Variants in HNF4G observed in about 807,000 individuals in gnomAD.
HNF4G encodes hepatocyte nuclear factor 4 gamma.
Under a neutral mutation model 50.9 loss-of-function variants are expected in HNF4G, and 21 were observed. That is an observed-to-expected ratio of 0.41 (90% CI 0.29 to 0.59). The LOEUF (loss-of-function observed/expected upper bound fraction) is 0.59. Among genes scored for constraint, HNF4G ranks in the 20% least tolerant of loss-of-function variants. The probability of loss-of-function intolerance (pLI) is 0.26; values close to 1 mark genes in which losing one functional copy is unlikely to be tolerated. For missense variants in HNF4G, 527 were observed against 559.4 expected, an observed-to-expected ratio of 0.94 and a Z score of 0.58; for synonymous variants, 198 against 185.6, an observed-to-expected ratio of 1.07 and a Z score of -0.54.
intron 1 of HNF4G, among the ~76,000 whole-genome samples, chr8:75,489,557 A>G (rs979667768): frequency 1.3e-5 from 2 of 152,188 alleles, no homozygotes; most frequent in Admixed American, 1.3e-4. Context: ...CTTTATAGTT[A>G]CATTCAATTG....
At chr8:75,525,803 T>C (rs1354910702) in intron 2 of HNF4G, among the ~76,000 whole-genome samples, 2 of 152,188 alleles carry the variant, frequency 1.3e-5, no homozygotes, top group Non-Finnish European at 2.9e-5. Flanking sequence ...TTCTAAATAG[T>C]AATGGTCATT....
At chr8:75,504,653 T>C (rs918342950) in intron 2 of HNF4G, among the ~76,000 whole-genome samples, 2 of 152,198 alleles carry the variant, frequency 1.3e-5, no homozygotes, top group African/African-American at 4.8e-5. Flanking sequence ...ACTGTAATTA[T>C]TATCAAATTT....
intron 2 of HNF4G, among the ~76,000 whole-genome samples, chr8:75,532,424 C>T (rs562107896): frequency 2.4e-4 from 37 of 152,116 alleles, no homozygotes; most frequent in African/African-American, 8.2e-4. Context: ...CTTAATACAT[C>T]GCCATTTAGA....
chr8:75,540,580 G>A (rs1045721623), intron 1 of HNF4G, among the ~76,000 whole-genome samples: 1 of 151,988 alleles, frequency 6.6e-6, no homozygotes, highest in Non-Finnish European at 1.5e-5. Flanking sequence ...TTTTTGCATT[G>A]AACGCAAATA....
intron 5 of HNF4G, among the ~76,000 whole-genome samples, chr8:75,555,524 A>G (rs1807088845): frequency 6.6e-6 from 1 of 152,028 alleles, no homozygotes; most frequent in Admixed American, 6.6e-5. Context: ...GCAGGAGATT[A>G]TGTTTTATAT....
intron 2 of HNF4G, among the ~76,000 whole-genome samples, chr8:75,513,149 T>G (rs1805801443): frequency 6.6e-6 from 1 of 152,050 alleles, no homozygotes; most frequent in Non-Finnish European, 1.5e-5. Flanking sequence ...GCGATTCTCC[T>G]GCCTCAGCCT....
intron 1 of HNF4G, among the ~76,000 whole-genome samples, chr8:75,466,115 T>A (rs1315420902): frequency 6.6e-6 from 1 of 152,224 alleles, no homozygotes; most frequent in Non-Finnish European, 1.5e-5. Context: ...AGAGGCTCAT[T>A]ATACTCCAAA....
chr8:75,527,548 T>C (rs1198556860), intron 2 of HNF4G, among the ~76,000 whole-genome samples: 1 of 152,164 alleles, frequency 6.6e-6, no homozygotes, highest in Non-Finnish European at 1.5e-5. Context: ...CATACACACA[T>C]CCTTTTTGTG....
upstream of HNF4G, among the ~76,000 whole-genome samples, chr8:75,539,419 C>T (rs1448734793): frequency 6.6e-6 from 1 of 152,076 alleles, no homozygotes; most frequent in Non-Finnish European, 1.5e-5. Flanking sequence ...TGCTTTACTC[C>T]AAAATAAAGG....
At chr8:75,493,781 C>T (rs1205284857) in intron 2 of HNF4G, among the ~76,000 whole-genome samples, 2 of 151,798 alleles carry the variant, frequency 1.3e-5, no homozygotes, top group Admixed American at 1.3e-4. Context: ...AATTAGAAAA[C>T]TTTTTTGCTG....
chr8:75,449,534 T>C (rs1485763440), intron 1 of HNF4G, among the ~76,000 whole-genome samples: 5 of 128,434 alleles, frequency 3.9e-5, no homozygotes, highest in Non-Finnish European at 6.3e-5. Context: ...TGAGACGGAG[T>C]CTCACTCTGT....
intron 1 of HNF4G, among the ~76,000 whole-genome samples, chr8:75,483,541 C>T (rs1049114045): frequency 6.6e-6 from 1 of 152,106 alleles, no homozygotes; most frequent in African/African-American, 2.4e-5. Flanking sequence ...TGTTACACTG[C>T]CCCCTGCATC....
chr8:75,501,739 G>T (rs1420654854), intron 2 of HNF4G, among the ~76,000 whole-genome samples: 3 of 152,092 alleles, frequency 2.0e-5, no homozygotes, highest in East Asian at 3.9e-4. Context: ...TATATTTATG[G>T]TATACAACAT....
chr8:75,477,892 A>G (rs1442730309), intron 1 of HNF4G, among the ~76,000 whole-genome samples: 1 of 152,142 alleles, frequency 6.6e-6, no homozygotes, highest in Non-Finnish European at 1.5e-5. Flanking sequence ...GCTTGAACCC[A>G]GGAGGGGGAG....
intron 2 of HNF4G, among the ~76,000 whole-genome samples, chr8:75,499,255 G>A (rs1469812839): frequency 4.6e-5 from 7 of 151,832 alleles, no homozygotes; most frequent in Non-Finnish European, 7.4e-5. Context: ...GTCAGAAGGT[G>A]AAATAAGAAA....
chr8:75,523,082 G>A (rs944340962), intron 2 of HNF4G, among the ~76,000 whole-genome samples: 3 of 152,010 alleles, frequency 2.0e-5, no homozygotes, highest in East Asian at 3.9e-4. Context: ...AAAATTAGCC[G>A]AGCTTGGTGG....
chr8:75,407,993 C>G (rs935169066), upstream of HNF4G: 7 of 151,978 alleles, frequency 4.6e-5, no homozygotes, highest in African/African-American at 7.2e-5. Flanking sequence ...GCCCGGGGCC[C>G]GGGCTGGCCG....
intron 1 of HNF4G, among the ~76,000 whole-genome samples, chr8:75,465,206 T>C (rs942533257): frequency 1.3e-5 from 2 of 152,192 alleles, no homozygotes; most frequent in Non-Finnish European, 2.9e-5. Flanking sequence ...ATATAGACTC[T>C]ATGCAAAAAT....
At position 75,466,648 on chromosome 8, in the gene HNF4G, C is replaced by T. The variant is rs1185930121; in HGVS notation, c.-143-23441C>T. ...TCCTTCCTTCCTTCTCCCTTCCCTT[C>T]CCTTCCCTTCCCTTCCCTTCCCTTC... On this transcript the variant is annotated intron_variant, in intron 1 of 10. Transcript: ENST00000354370. Among the ~76,000 whole-genome samples the T allele has an allele frequency of 2.1e-5, 2 of 94,954 alleles. 1 individual carries two copies. 62.3% of individuals were successfully genotyped at this position (94,954 alleles called of 152,430 possible). A position where few individuals can be genotyped will look rare whatever the true frequency, so the allele number is the denominator to read the frequency against.
Sources: gnomAD v4.1 joint callset for allele counts (sites outside exome capture counted in the v4.1 genomes callset) on GRCh38, gnomAD v4.1.1 for gene constraint, MANE v1.5 for transcripts, NCBI Gene and HGNC (gene_info 2026-07-23, HGNC 2026-07-21) for gene names.